The following SLC37A1 variants were observed in gnomAD, a reference collection of about 807,000 sequenced individuals.
The protein encoded by SLC37A1 is glucose-6-phosphate exchanger SLC37A1.
SLC37A1 carries 49 observed loss-of-function variants against 75.3 expected under a neutral mutation model. That is an observed-to-expected ratio of 0.65 (90% CI 0.52 to 0.83). The LOEUF is 0.83. SLC37A1 is among the 40% of genes least tolerant of loss of function. The pLI is 0.00. For missense variants in SLC37A1, 566 were observed against 695.0 expected (o/e 0.81, Z 2.09); for synonymous variants, 268 against 292.1 (o/e 0.92, Z 0.84).
rs184573164 is a variant in SLC37A1 at position 42,543,330 on chromosome 21, A to T, written c.564-106A>T. 2.0e-5 allele frequency: 26 copies of T among 1,326,830 alleles called. No homozygotes were observed. In the East Asian group the frequency reaches 5.5e-4, roughly 28 times the overall value. 82.2% of individuals were successfully genotyped at this position (1,326,830 alleles called of 1,614,324 possible). On this transcript the variant is annotated intron_variant, in intron 7 of 19. Coordinates refer to ENST00000352133, the MANE Select transcript of SLC37A1 (RefSeq NM_001320537.2). ...GCAGGGTCTGCATGGCCCCCCGTTG[A>T]TTCTGCGCCGACTCCCTACTTTGCA... is the stretch of plus-strand genomic sequence containing the variant.
In SLC37A1 at chr21:42,545,832, C is replaced by T. The variant is rs1249171603; in HGVS notation, c.731-1271C>T. On this transcript the variant is annotated intron_variant, in intron 8 of 19. Transcript: ENST00000352133. The surrounding 1 kb of genome is among the most constrained non-coding windows in gnomAD (Gnocchi z 4.0). ...CATGTGTCCTTGGTCAGTGGCCTCG[C>T]CCTATGGGCTGTGCCCAGGACAGGA... Among the ~76,000 whole-genome samples, 1 of 152,278 alleles carries T rather than the reference C, an allele frequency of 6.6e-6. No homozygotes were observed. The highest frequency in any genetic ancestry group is 1.5e-5 in the Non-Finnish European group (1 of 68,048).
chr21:42,538,805 G>A (rs228062), intron 5 of SLC37A1, among the ~76,000 whole-genome samples: 88,053 of 152,050 alleles, frequency 0.58, 26,064 homozygotes, highest in Admixed American at 0.7. Flanking sequence ...TTAGTGAGGC[G>A]CTAAGCATCC....
chr21:42,579,590 C>G (rs562149521), intron 18 of SLC37A1, 146 bp from the exon 19 acceptor site: 18 of 317,030 alleles, frequency 5.7e-5, no homozygotes, highest in Non-Finnish European at 8.5e-5. Context: ...CCCCGCTGCT[C>G]TTGCAGGGAG....
upstream of SLC37A1, chr21:42,509,408 T>C (rs1301505676): frequency 6.6e-6 from 1 of 152,184 alleles, no homozygotes; most frequent in Non-Finnish European, 1.5e-5. This position sits in a 1 kb window ranked among gnomAD's most constrained non-coding sequence, Gnocchi z 4.2. Flanking sequence ...GGAGAATTCT[T>C]TGGAGGAAAC....
chr21:42,516,136 G>C lies in SLC37A1; in HGVS notation c.-179+1419G>C, dbSNP rs113450922. Among the ~76,000 whole-genome samples the C allele has an allele frequency of 9.6e-3, 1,468 of 152,282 alleles. 17 individuals are homozygous for C. Among genetic ancestry groups the C allele is most frequent in the African/African-American group, 0.017 (706 of 41,552 alleles). ...TCCCTGGAATGGTAAGTTCCAGGGG[G>C]GCCTGTAGAGAGTGACTTTTTAAAA... On this transcript the variant is annotated intron_variant, in intron 1 of 19. Coordinates refer to ENST00000352133, the MANE Select transcript of SLC37A1 (RefSeq NM_001320537.2).
intron 5 of SLC37A1, among the ~76,000 whole-genome samples, chr21:42,538,905 C>G (rs1178704881): frequency 6.6e-6 from 1 of 152,158 alleles, no homozygotes; most frequent in Non-Finnish European, 1.5e-5. Flanking sequence ...TCAGAAGGAT[C>G]AGAGAGATGC....
chr21:42,513,737 G>GGCCGGA (rs955460873), upstream of SLC37A1, among the ~76,000 whole-genome samples: 1 of 147,420 alleles, frequency 6.8e-6, no homozygotes, highest in African/African-American at 2.5e-5. Context: ...CCGGGGCCGG[G>GGCCGGA]GCCGGAGCCG....
intron 14 of SLC37A1, among the ~76,000 whole-genome samples, chr21:42,565,429 T>A (rs2055951247): frequency 6.6e-6 from 1 of 152,254 alleles, no homozygotes; most frequent in Admixed American, 6.5e-5. Context: ...CATGAAAGAA[T>A]GCTGAGTGAA....
Position 42,580,956 on chromosome 21 carries a change from G to A in SLC37A1, c.*596G>A, listed in dbSNP as rs573182215. 95 of 154,052 alleles carry A rather than the reference G, an allele frequency of 6.2e-4. No homozygotes were observed. Among genetic ancestry groups the A allele is most frequent in the African/African-American group, 2.2e-3 (90 of 41,590 alleles). 9.5% of individuals were successfully genotyped at this position (154,052 alleles called of 1,614,324 possible). On this transcript the variant is annotated 3_prime_UTR_variant, in exon 20 of 20. Transcript: ENST00000352133. The stretch of plus-strand genomic sequence containing the variant: ...GCTTTTCCAGCACCCATGATGTTTC[G>A]GACTGACCTAAAAACTAATTGTCGA...
intron 5 of SLC37A1, 137 bp downstream of exon 5, chr21:42,535,687 C>A (rs1358264285): frequency 9.5e-6 from 7 of 734,840 alleles, no homozygotes; most frequent in African/African-American, 3.5e-5. Context: ...CTGTTCCCTT[C>A]CCAAAGACGA....
intron 3 of SLC37A1, among the ~76,000 whole-genome samples, chr21:42,532,126 G>A (rs551417958): frequency 6.7e-4 from 102 of 152,318 alleles, no homozygotes; most frequent in Non-Finnish European, 1.1e-3. Flanking sequence ...GAGGCACCAA[G>A]ATCCCAGCTT....
chr21:42,543,507 G>A lies in SLC37A1; in HGVS notation c.635G>A (p.Gly212Asp), dbSNP rs2055332926. The A allele has an allele frequency of 1.9e-6, 3 of 1,614,052 alleles. No individual in the cohort carries two copies. The highest frequency in any genetic ancestry group is 1.1e-5 in the South Asian group (1 of 91,070). The change falls in exon 8 of 20, where the codon GGC becomes GAC. Residue 212 changes from glycine to aspartate, a missense_variant. Gly to Asp is a moderately conservative substitution (Grantham distance 94). Coordinates refer to ENST00000352133, the MANE Select transcript of SLC37A1 (RefSeq NM_001320537.2). ...VGNILGSLIA[G>D]YWVSTCWGLS... ...AACATCTTGGGGTCATTGATCGCTG[G>A]CTACTGGGTGTCCACATGCTGGGGC...
chr21:42,563,317 C>T (rs895386488), intron 12 of SLC37A1, among the ~76,000 whole-genome samples: 2 of 152,224 alleles, frequency 1.3e-5, no homozygotes, highest in African/African-American at 2.4e-5. Context: ...TGATTCGGAA[C>T]GGCTGGGTTT....
chr21:42,509,624 AGCACAATGCC>A (rs1317941777), upstream of SLC37A1: 1 of 152,182 alleles, frequency 6.6e-6, no homozygotes, highest in African/African-American at 2.4e-5. The surrounding 1 kb of genome is among the most constrained non-coding windows in gnomAD (Gnocchi z 4.2). Flanking sequence ...CCGTAGGCCG[AGCACAATGCC>A]TGGAATACAG....
At chr21:42,503,835 G>A (rs1350043342) in intron 2 of SLC37A1, among the ~76,000 whole-genome samples, 1 of 152,180 alleles carries the variant, frequency 6.6e-6, no homozygotes, top group Non-Finnish European at 1.5e-5. Flanking sequence ...AGGAAAGCCA[G>A]AAAGGTTTTA....
chr21:42,577,122 G>A (rs1158573411), intron 18 of SLC37A1, among the ~76,000 whole-genome samples: 1 of 152,168 alleles, frequency 6.6e-6, no homozygotes, highest in East Asian at 1.9e-4. Context: ...TTTAACCAAA[G>A]ATGCTCCCAG....
chr21:42,560,013 A>G (rs897129831), intron 11 of SLC37A1, among the ~76,000 whole-genome samples: 1 of 152,002 alleles, frequency 6.6e-6, no homozygotes, highest in African/African-American at 2.4e-5. Flanking sequence ...CAGGCGGGAG[A>G]AGCCCTCAGA....
intron 10 of SLC37A1, among the ~76,000 whole-genome samples, chr21:42,556,364 G>T (rs528385290): frequency 6.6e-6 from 1 of 152,226 alleles, no homozygotes; most frequent in Non-Finnish European, 1.5e-5. Context: ...GAGGTTGAAT[G>T]TGACTCCACC....
chr21:42,530,656 C>CACACACACACACACACACACA (rs1568997149), intron 3 of SLC37A1, among the ~76,000 whole-genome samples: 5 of 23,496 alleles, frequency 2.1e-4, no homozygotes, highest in East Asian at 6.0e-4. Context: ...ACACACACAC[C>CACACACACACACACACACACA]CCCTCTGTGT....
Sources: gnomAD v4.1 joint callset for allele counts (sites outside exome capture counted in the v4.1 genomes callset) on GRCh38, gnomAD v4.1.1 for gene constraint, Gnocchi (gnomAD v3.1) non-coding constraint, MANE v1.5 for transcripts, NCBI Gene and HGNC (gene_info 2026-07-23, HGNC 2026-07-21) for gene names.